Variants in IGF2BP2 observed in about 807,000 individuals in gnomAD.
IGF2BP2 encodes the protein insulin-like growth factor 2 mRNA-binding protein 2.
A neutral mutation model predicts 75.8 loss-of-function variants in IGF2BP2; 17 were observed. The ratio of observed to expected loss-of-function variants is 0.22; its 90% CI spans 0.15 to 0.34. The LOEUF is 0.34. IGF2BP2 is among the 10% of genes least tolerant of loss of function. The pLI, the probability that IGF2BP2 is intolerant of heterozygous loss-of-function variation, is 1.00. For synonymous variants in IGF2BP2, 288 were observed against 295.6 expected (o/e 0.97, Z 0.26); for missense variants, 516 against 772.4 (o/e 0.67, Z 3.93).
intron 2 of IGF2BP2, chr3:185,712,514 G>A (rs1724953061): frequency 1.3e-5 from 2 of 152,132 alleles, no homozygotes; most frequent in African/African-American, 2.4e-5. Flanking sequence ...AGTGGGAACT[G>A]GAGATACGAA....
At chr3:185,753,698 CCTT>C (rs771237534) in intron 2 of IGF2BP2, among the ~76,000 whole-genome samples, 1 of 152,182 alleles carries the variant, frequency 6.6e-6, no homozygotes, top group Non-Finnish European at 1.5e-5. Flanking sequence ...ATAGCAGCAT[CCTT>C]CTCCCAAGAT....
chr3:185,676,777 A>G (rs1719434498), intron 7 of IGF2BP2, among the ~76,000 whole-genome samples: 1 of 145,744 alleles, frequency 6.9e-6, no homozygotes, highest in African/African-American at 2.5e-5. Flanking sequence ...ATATGGAGAT[A>G]TATATTTACT....
chr3:185,785,298 CTCAA>C (rs1735734640), intron 2 of IGF2BP2, among the ~76,000 whole-genome samples: 1 of 67,818 alleles, frequency 1.5e-5, no homozygotes. Flanking sequence ...GAGACTCCTT[CTCAA>C]AAAAAAAAAA....
At chr3:185,762,152 C>T (rs1732452779) in intron 2 of IGF2BP2, among the ~76,000 whole-genome samples, 1 of 152,066 alleles carries the variant, frequency 6.6e-6, no homozygotes, top group Admixed American at 6.6e-5. Flanking sequence ...CTTTGGGAGG[C>T]CGATATGGGC....
intron 2 of IGF2BP2, among the ~76,000 whole-genome samples, chr3:185,754,733 A>T (rs1422596895): frequency 1.3e-5 from 2 of 152,232 alleles, no homozygotes; most frequent in Non-Finnish European, 2.9e-5. Flanking sequence ...CACCTGCATT[A>T]CATCTTAGCA....
At chr3:185,664,832 G>A (rs1717032646) in intron 10 of IGF2BP2, among the ~76,000 whole-genome samples, 1 of 152,082 alleles carries the variant, frequency 6.6e-6, no homozygotes, top group Non-Finnish European at 1.5e-5. Context: ...ACTCCAGAAG[G>A]AGAAAATAAA....
intron 11 of IGF2BP2, among the ~76,000 whole-genome samples, chr3:185,657,829 G>A (rs988613525): frequency 2.5e-4 from 38 of 152,280 alleles, no homozygotes; most frequent in South Asian, 2.1e-4. Context: ...TCTGGTATCC[G>A]GAGAAGCATT....
At chr3:185,677,044 G>GATATATATTTATATATAT (rs1199843330) in intron 7 of IGF2BP2, among the ~76,000 whole-genome samples, 7 of 23,868 alleles carry the variant, frequency 2.9e-4, no homozygotes, top group Non-Finnish European at 3.3e-4. Context: ...TATATATGGA[G>GATATATATTTATATATAT]ATATATATAT....
At chr3:185,748,043 G>A (rs1212773592) in intron 2 of IGF2BP2, among the ~76,000 whole-genome samples, 1 of 151,944 alleles carries the variant, frequency 6.6e-6, no homozygotes, top group Non-Finnish European at 1.5e-5. Flanking sequence ...TTTTAGTAGA[G>A]ACAGGGTTTC....
chr3:185,750,506 T>C (rs924302338), intron 2 of IGF2BP2, among the ~76,000 whole-genome samples: 4 of 152,168 alleles, frequency 2.6e-5, no homozygotes, highest in Non-Finnish European at 5.9e-5. Context: ...CCAGAATTCA[T>C]AGAAAACTCA....
chr3:185,712,550 C>G (rs971823189), intron 2 of IGF2BP2: 1 of 152,086 alleles, frequency 6.6e-6, no homozygotes, highest in South Asian at 2.1e-4. Flanking sequence ...TACCACGATG[C>G]TGAGTCAGTC....
At chr3:185,765,360 G>C (rs1257163102) in intron 2 of IGF2BP2, among the ~76,000 whole-genome samples, 1 of 152,128 alleles carries the variant, frequency 6.6e-6, no homozygotes, top group Non-Finnish European at 1.5e-5. Flanking sequence ...CATATACTAA[G>C]AAGTACTCTC....
Position 185,739,546 on chromosome 3 carries a change from C to T in IGF2BP2, c.240-41199G>A, listed in dbSNP as rs369702906. On this transcript the variant is annotated intron_variant, in intron 2 of 15. Transcript: ENST00000382199. Reference sequence around the variant, plus strand: ...CTCCTCAGGAATCACTACCACCTGCCGGAATGCAGCTGAATTTGGCCAGGA... The same window carrying T: ...CTCCTCAGGAATCACTACCACCTGCTGGAATGCAGCTGAATTTGGCCAGGA... Among the ~76,000 whole-genome samples, 9 of 152,240 alleles carry T rather than the reference C, an allele frequency of 5.9e-5. No individual in the cohort carries two copies. The East Asian group carries it at 7.7e-4, about 13-fold the overall frequency.
At chr3:185,665,248 AAGG>A (rs1322099812) in intron 10 of IGF2BP2, among the ~76,000 whole-genome samples, 1 of 120,700 alleles carries the variant, frequency 8.3e-6, no homozygotes, top group Admixed American at 8.3e-5. Context: ...GAAGGAGAAG[AAGG>A]AGAAGGAGGA....
At chr3:185,701,195 G>A (rs973283935) in intron 2 of IGF2BP2, among the ~76,000 whole-genome samples, 1 of 151,864 alleles carries the variant, frequency 6.6e-6, no homozygotes, top group African/African-American at 2.4e-5. Flanking sequence ...CTCCCAAAGT[G>A]CTAAGATTAA....
chr3:185,687,264 A>G, intron 6 of IGF2BP2, 73 bp from the exon 7 acceptor site: 1 of 1,469,876 alleles, frequency 6.8e-7, no homozygotes, highest in Non-Finnish European at 9.2e-7. Context: ...AAAGCGTCAC[A>G]CCAACCCATG....
chr3:185,688,377 C>A (rs891931082), intron 6 of IGF2BP2, among the ~76,000 whole-genome samples: 31 of 152,222 alleles, frequency 2.0e-4, no homozygotes, highest in African/African-American at 7.2e-4. Context: ...GAGTTTCACT[C>A]TGTTGCCCAG....
chr3:185,814,309 TG>T (rs1357825036), intron 2 of IGF2BP2, among the ~76,000 whole-genome samples: 1 of 152,148 alleles, frequency 6.6e-6, no homozygotes, highest in Non-Finnish European at 1.5e-5. Context: ...CACAAAACAT[TG>T]TACTTCAAAA....
chr3:185,723,119 C>T (rs998031615), intron 2 of IGF2BP2, among the ~76,000 whole-genome samples: 2 of 152,132 alleles, frequency 1.3e-5, no homozygotes, highest in African/African-American at 4.8e-5. Flanking sequence ...TTGAGATCTG[C>T]TGAGGTTTAT....
Sources: gnomAD v4.1 joint callset for allele counts (sites outside exome capture counted in the v4.1 genomes callset) on GRCh38, gnomAD v4.1.1 for gene constraint, MANE v1.5 for transcripts, NCBI Gene and HGNC (gene_info 2026-07-23, HGNC 2026-07-21) for gene names.